Variants in DPYD observed in about 807,000 individuals in gnomAD.
DPYD encodes dihydropyrimidine dehydrogenase.
DPYD carries 109 observed loss-of-function variants against 116.2 expected under a neutral mutation model. The ratio of observed to expected loss-of-function variants is 0.94; its 90% CI spans 0.80 to 1.10. DPYD has a LOEUF of 1.10. DPYD is among the 50% of genes least tolerant of loss of function. The probability of loss-of-function intolerance (pLI) is 0.00; values close to 1 mark genes in which losing one functional copy is unlikely to be tolerated. For synonymous variants in DPYD, 440 were observed against 432.0 expected (o/e 1.02, Z -0.23); for missense variants, 1,302 against 1,254.5 (o/e 1.04, Z -0.57).
intron 21 of DPYD, among the ~76,000 whole-genome samples, chr1:97,086,723 T>C (rs543903672): frequency 1.9e-4 from 28 of 147,792 alleles, no homozygotes; most frequent in African/African-American, 6.6e-4. Context: ...AGATGAACCA[T>C]TGTTAAGTTC....
At chr1:97,608,293 T>C (rs1655729022) in intron 8 of DPYD, among the ~76,000 whole-genome samples, 1 of 152,002 alleles carries the variant, frequency 6.6e-6, no homozygotes, top group East Asian at 1.9e-4. Flanking sequence ...GTAATATTTG[T>C]TTGATTAAAA....
intron 5 of DPYD, among the ~76,000 whole-genome samples, chr1:97,703,418 G>C (rs1012815639): frequency 2.0e-5 from 3 of 151,842 alleles, no homozygotes; most frequent in African/African-American, 7.3e-5. Context: ...ATATTTCATA[G>C]AGATGCTTTG....
At chr1:97,583,388 A>G (rs1305469486) in intron 10 of DPYD, among the ~76,000 whole-genome samples, 1 of 152,118 alleles carries the variant, frequency 6.6e-6, no homozygotes, top group Non-Finnish European at 1.5e-5. Context: ...ACATATGATG[A>G]CGTTTTCTTA....
intron 16 of DPYD, among the ~76,000 whole-genome samples, chr1:97,326,183 GA>G (rs1668696504): frequency 6.6e-6 from 1 of 151,866 alleles, no homozygotes; most frequent in Admixed American, 6.6e-5. Flanking sequence ...GTTGGGGAAT[GA>G]AAATTTAAAA....
At chr1:97,389,862 G>A (rs4582836) in intron 14 of DPYD, among the ~76,000 whole-genome samples, 28,350 of 117,088 alleles carry the variant, frequency 0.24, 2,886 homozygotes, top group South Asian at 0.46. Context: ...ATGCTTATTT[G>A]GCAAAAAAAA....
intron 16 of DPYD, among the ~76,000 whole-genome samples, chr1:97,365,477 T>C (rs149785962): frequency 4.6e-5 from 7 of 152,340 alleles, no homozygotes; most frequent in African/African-American, 9.6e-5. Context: ...CCTTATGCTA[T>C]AGTCAACAAA....
intron 16 of DPYD, among the ~76,000 whole-genome samples, chr1:97,344,919 G>A (rs1310554064): frequency 6.6e-6 from 1 of 151,872 alleles, no homozygotes; most frequent in Non-Finnish European, 1.5e-5. Flanking sequence ...TTCCCAAAGG[G>A]TGGTACTGTT....
intron 14 of DPYD, among the ~76,000 whole-genome samples, chr1:97,430,615 C>T (rs989045359): frequency 6.6e-6 from 1 of 151,514 alleles, no homozygotes; most frequent in Non-Finnish European, 1.5e-5. Flanking sequence ...TCCTCTTTCA[C>T]GTGAATTTTA....
chr1:97,566,090 C>G (rs1381342036), intron 11 of DPYD, among the ~76,000 whole-genome samples: 1 of 152,150 alleles, frequency 6.6e-6, no homozygotes, highest in Non-Finnish European at 1.5e-5. Context: ...AACTCCTACA[C>G]ATCACTCAGA....
rs576139796 is a variant in DPYD at position 97,204,979 on chromosome 1, T to A, written c.2443-11731A>T. The stretch of plus-strand genomic sequence containing the variant: ...AAGGGTCCCTTTTGGCCTCCAACTT[T>A]AAAAAAAATAATTAATAGACTTTGC... On this transcript the variant is annotated intron_variant, in intron 19 of 22. Transcript: ENST00000370192. 3.6e-3 allele frequency among the ~76,000 whole-genome samples: 544 copies of A among 151,842 alleles called. 3 individuals are homozygous for A. Among genetic ancestry groups the A allele is most frequent in the Middle Eastern group, 6.8e-3 (2 of 292 alleles).
chr1:97,100,046 T>C (rs1473228170), intron 20 of DPYD, among the ~76,000 whole-genome samples: 1 of 152,108 alleles, frequency 6.6e-6, no homozygotes, highest in East Asian at 1.9e-4. Context: ...ACTGAGTACT[T>C]CATCTCTACA....
intron 2 of DPYD, among the ~76,000 whole-genome samples, chr1:97,848,811 A>C (rs981214830): frequency 1.3e-5 from 2 of 152,204 alleles, no homozygotes; most frequent in Admixed American, 1.3e-4. Context: ...AACAATGAAG[A>C]AAGGTTTCGG....
chr1:97,495,756 G>T (rs1020712141), intron 13 of DPYD, among the ~76,000 whole-genome samples: 14 of 152,030 alleles, frequency 9.2e-5, no homozygotes, highest in African/African-American at 3.4e-4. Flanking sequence ...TAATCATATT[G>T]ATTTAACATC....
At chr1:97,644,293 T>C (rs933802047) in intron 8 of DPYD, among the ~76,000 whole-genome samples, 9 of 152,168 alleles carry the variant, frequency 5.9e-5, no homozygotes, top group African/African-American at 2.2e-4. Flanking sequence ...ACTGTAATTT[T>C]ATATATCTAC....
chr1:97,679,129 T>C lies in DPYD; in HGVS notation c.816A>G (p.Lys272=), dbSNP rs770391936. Residue 272 remains lysine, a synonymous_variant, in exon 8 of 23, where the codon AAA becomes AAG. Coordinates refer to ENST00000370192, the MANE Select transcript of DPYD (RefSeq NM_000110.4). ...SVNEMTLSTL[K]EKGYKAAFIG... ...TGAAAGCAGCTTTGTAGCCTTTTTCTTTCAAAGTGCTAAGAGTCATTTCAT... is the reference window on the plus strand; with the variant it reads ...TGAAAGCAGCTTTGTAGCCTTTTTCCTTCAAAGTGCTAAGAGTCATTTCAT... 21 of 1,588,058 alleles carry C rather than the reference T, an allele frequency of 1.3e-5. No individual in the cohort carries two copies. Among genetic ancestry groups the C allele is most frequent in the Non-Finnish European group, 1.7e-5 (20 of 1,164,808 alleles).
chr1:97,599,751 C>T (rs536025347), intron 8 of DPYD, among the ~76,000 whole-genome samples: 29 of 148,294 alleles, frequency 2.0e-4, no homozygotes, highest in South Asian at 4.4e-4. Flanking sequence ...TGGCCAGTCA[C>T]GGTGGCTCCT....
chr1:97,446,923 A>T (rs755540231), intron 14 of DPYD, among the ~76,000 whole-genome samples: 29 of 152,170 alleles, frequency 1.9e-4, no homozygotes, highest in Non-Finnish European at 4.0e-4. Flanking sequence ...ACAATGATCA[A>T]TGTGCCAAAT....
intron 12 of DPYD, among the ~76,000 whole-genome samples, chr1:97,519,593 T>C (rs1424324725): frequency 2.0e-5 from 3 of 152,196 alleles, no homozygotes; most frequent in African/African-American, 4.8e-5. Flanking sequence ...TTCAGTTCTA[T>C]GTATTATTAT....
At chr1:97,748,661 A>T (rs1304631816) in intron 3 of DPYD, among the ~76,000 whole-genome samples, 1 of 152,196 alleles carries the variant, frequency 6.6e-6, no homozygotes, top group Non-Finnish European at 1.5e-5. Context: ...CTCAGTGCGT[A>T]TCCTATTAGC....
Sources: gnomAD v4.1 joint callset for allele counts (sites outside exome capture counted in the v4.1 genomes callset) on GRCh38, gnomAD v4.1.1 for gene constraint, MANE v1.5 for transcripts, NCBI Gene and HGNC (gene_info 2026-07-23, HGNC 2026-07-21) for gene names.